Variants in DNMBP observed in about 807,000 individuals in gnomAD.
The protein encoded by DNMBP is dynamin-binding protein.
A neutral mutation model predicts 150.0 loss-of-function variants in DNMBP; 87 were observed. That is an observed-to-expected ratio of 0.58 (90% CI 0.49 to 0.69). The LOEUF is 0.69. DNMBP is among the 30% of genes least tolerant of loss of function. The probability of loss-of-function intolerance (pLI) is 0.00; values close to 1 mark genes in which losing one functional copy is unlikely to be tolerated. For synonymous variants in DNMBP, 711 were observed against 750.4 expected, an observed-to-expected ratio of 0.95 and a Z score of 0.86; for missense variants, 1,774 against 1,949.0, an observed-to-expected ratio of 0.91 and a Z score of 1.69.
intron 11 of DNMBP, among the ~76,000 whole-genome samples, chr10:99,891,901 C>T (rs1324175253): frequency 2.7e-5 from 4 of 150,006 alleles, no homozygotes; most frequent in South Asian, 2.1e-4. Context: ...TCTGCCGCCC[C>T]GTCCGGGAGG....
Position 99,898,838 on chromosome 10 carries a change from C to CAT in DNMBP, c.2703-80_2703-79dup. 2 of 1,355,580 alleles carry CAT rather than the reference C, an allele frequency of 1.5e-6. 1 individual carries two copies. The allele number at this position is 1,355,580 out of a possible 1,614,324, so 84.0% of individuals were successfully genotyped here. A position where few individuals can be genotyped will look rare whatever the true frequency, so the allele number is the denominator to read the frequency against. ...CTTGAGTTTCACATTTTTCTCAGAA[C>CAT]ATAAATCATGTGGGACAAAAAATTA... On this transcript the variant is annotated intron_variant, in intron 7 of 16. Transcript: ENST00000324109.
intron 1 of DNMBP, among the ~76,000 whole-genome samples, chr10:99,982,219 TG>T (rs1420413442): frequency 6.6e-6 from 1 of 151,338 alleles, no homozygotes; most frequent in Admixed American, 6.6e-5. Flanking sequence ...CAGAGGAGGG[TG>T]GATTGCTTGA....
At chr10:99,987,191 G>C (rs144209454) in intron 1 of DNMBP, among the ~76,000 whole-genome samples, 1 of 151,094 alleles carries the variant, frequency 6.6e-6, no homozygotes, top group Non-Finnish European at 1.5e-5. Context: ...CAGGAGATGG[G>C]GGCACTAACA....
At chr10:99,936,088 C>CT (rs1279711404) in intron 4 of DNMBP, among the ~76,000 whole-genome samples, 3 of 151,964 alleles carry the variant, frequency 2.0e-5, no homozygotes, top group Non-Finnish European at 2.9e-5. Flanking sequence ...TAACTTTAAT[C>CT]TAACTGTAAG....
intron 1 of DNMBP, among the ~76,000 whole-genome samples, chr10:99,980,048 T>A (rs2040765969): frequency 6.6e-6 from 1 of 152,220 alleles, no homozygotes; most frequent in Non-Finnish European, 1.5e-5. Flanking sequence ...GCCCTTGCTC[T>A]TATATCAACC....
intron 11 of DNMBP, among the ~76,000 whole-genome samples, chr10:99,891,202 C>CCTCTCT (rs1206472599): frequency 1.3e-5 from 2 of 149,486 alleles, no homozygotes; most frequent in Admixed American, 1.3e-4. Flanking sequence ...CCACCGTCTC[C>CCTCTCT]CTCTCTTTCC....
intron 4 of DNMBP, among the ~76,000 whole-genome samples, chr10:99,923,811 A>T (rs1446135110): frequency 6.6e-6 from 1 of 152,132 alleles, no homozygotes; most frequent in Non-Finnish European, 1.5e-5. Context: ...TTTAAGTTTC[A>T]GCCAAGTTCA....
chr10:99,931,746 A>T (rs1314285124), intron 4 of DNMBP, among the ~76,000 whole-genome samples: 2 of 152,252 alleles, frequency 1.3e-5, no homozygotes, highest in African/African-American at 4.8e-5. Flanking sequence ...AAAAAGACAA[A>T]CAAATTAGTC....
At chr10:99,888,705 TA>T in intron 12 of DNMBP, 119 bp downstream of exon 12, 3 of 1,203,072 alleles carry the variant, frequency 2.5e-6, no homozygotes, top group Non-Finnish European at 3.5e-6. Context: ...TGAATATAGC[TA>T]AAGGATGACT....
intron 1 of DNMBP, among the ~76,000 whole-genome samples, chr10:99,988,001 G>A (rs1252586051): frequency 1.3e-5 from 2 of 152,072 alleles, no homozygotes; most frequent in Non-Finnish European, 2.9e-5. Flanking sequence ...TCTGATCATT[G>A]GGATTCCTGC....
intron 3 of DNMBP, among the ~76,000 whole-genome samples, chr10:99,962,288 C>T (rs571912897): frequency 6.6e-6 from 1 of 152,340 alleles, no homozygotes; most frequent in South Asian, 2.1e-4. Flanking sequence ...TGTATTTCTA[C>T]ATTCCTTTAA....
At chr10:99,982,850 G>C (rs544437287) in intron 1 of DNMBP, among the ~76,000 whole-genome samples, 3 of 152,066 alleles carry the variant, frequency 2.0e-5, no homozygotes, top group African/African-American at 7.2e-5. Context: ...TACTCAGGGC[G>C]GGGGTATGGG....
At position 99,877,725 on chromosome 10, in the gene DNMBP, G is replaced by A. The variant is rs528276845; in HGVS notation, c.4549-389C>T. The stretch of plus-strand genomic sequence containing the variant: ...CTAAAAATACAAAAATTAGCCGGGC[G>A]TGGTGGCACACACTTCTAATCCCAG... On this transcript the variant is annotated intron_variant, in intron 16 of 16. Coordinates refer to ENST00000324109, the MANE Select transcript of DNMBP (RefSeq NM_015221.4). Among the ~76,000 whole-genome samples, 15 of 152,238 alleles carry A rather than the reference G, an allele frequency of 9.9e-5. No homozygotes were observed. The East Asian group carries it at 2.1e-3, about 22-fold the overall frequency.
At chr10:99,893,121 C>A (rs1162689454) in intron 11 of DNMBP, among the ~76,000 whole-genome samples, 1 of 152,228 alleles carries the variant, frequency 6.6e-6, no homozygotes, top group East Asian at 1.9e-4. Flanking sequence ...TTTTACCTCT[C>A]TTGCAGGCAA....
At chr10:99,912,970 A>G (rs1287790322) in intron 4 of DNMBP, among the ~76,000 whole-genome samples, 1 of 152,204 alleles carries the variant, frequency 6.6e-6, no homozygotes, top group Non-Finnish European at 1.5e-5. Flanking sequence ...TTTATGCCAC[A>G]TATATTCTAA....
intron 4 of DNMBP, among the ~76,000 whole-genome samples, chr10:99,918,298 T>C (rs188854918): frequency 1.6e-4 from 25 of 152,240 alleles, no homozygotes; most frequent in Non-Finnish European, 2.8e-4. Context: ...GCAGGGCTCA[T>C]AGCAGACTTC....
At chr10:99,888,713 G>A (rs1016022256) in intron 12 of DNMBP, 112 bp downstream of exon 12, 1 of 1,266,814 alleles carries the variant, frequency 7.9e-7, no homozygotes, top group South Asian at 1.4e-5. Context: ...GCTAAAGGAT[G>A]ACTAATATGC....
chr10:99,975,902 T>C (rs967231752), intron 1 of DNMBP, among the ~76,000 whole-genome samples: 3 of 152,204 alleles, frequency 2.0e-5, no homozygotes, highest in South Asian at 2.1e-4. Context: ...GAGTACTTCC[T>C]AGGTACATGC....
At chr10:100,006,280 G>A (rs1034850306) in intron 1 of DNMBP, among the ~76,000 whole-genome samples, 2 of 152,214 alleles carry the variant, frequency 1.3e-5, no homozygotes, top group East Asian at 3.8e-4. Flanking sequence ...TTGGTGTCAA[G>A]TTTTCAGGTC....
Sources: allele counts gnomAD v4.1 joint callset (sites outside exome capture counted in the v4.1 genomes callset), GRCh38; gene constraint gnomAD v4.1.1; transcripts MANE v1.5; gene names NCBI Gene and HGNC (gene_info 2026-07-23, HGNC 2026-07-21).